The following ESR1 variants were observed in gnomAD, a reference collection of about 807,000 sequenced individuals.
The protein encoded by ESR1 is estrogen receptor 1.
In ESR1, 12 loss-of-function variants were observed where a neutral mutation model predicts 52.7. The ratio of observed to expected loss-of-function variants is 0.23; its 90% CI spans 0.15 to 0.37. The LOEUF (loss-of-function observed/expected upper bound fraction) is 0.37. Ranked by LOEUF, ESR1 falls within the 10% of genes least tolerant of loss-of-function variation. ESR1 has a pLI of 1.00. For missense variants in ESR1, 584 were observed against 779.7 expected (o/e 0.75, Z 2.99); for synonymous variants, 305 against 316.8 (o/e 0.96, Z 0.39).
chr6:151,926,236 A>G (rs2032716772), intron 3 of ESR1, among the ~76,000 whole-genome samples: 1 of 152,150 alleles, frequency 6.6e-6, no homozygotes, highest in Non-Finnish European at 1.5e-5. Context: ...TTATTACTGT[A>G]GCCTTTATGG....
At chr6:151,913,652 T>C (rs1798621185) in intron 3 of ESR1, among the ~76,000 whole-genome samples, 1 of 152,216 alleles carries the variant, frequency 6.6e-6, no homozygotes, top group Non-Finnish European at 1.5e-5. Context: ...AATGATCTTT[T>C]TTCCCATTTT....
At chr6:151,801,023 A>G (rs192148011), upstream of ESR1, among the ~76,000 whole-genome samples, 62 of 149,388 alleles carry the variant, frequency 4.2e-4, no homozygotes, top group African/African-American at 1.5e-3. Flanking sequence ...TGGCTCTGAA[A>G]TTGGGGATGG....
intron 2 of ESR1, among the ~76,000 whole-genome samples, chr6:151,742,029 AT>A (rs997978218): frequency 9.9e-5 from 15 of 151,926 alleles, no homozygotes; most frequent in African/African-American, 3.1e-4. Context: ...AGATGATGCA[AT>A]TTTTTTCTGA....
At chr6:151,888,152 T>C (rs1414889915) in intron 3 of ESR1, among the ~76,000 whole-genome samples, 2 of 152,130 alleles carry the variant, frequency 1.3e-5, no homozygotes, top group Admixed American at 6.5e-5. Flanking sequence ...TATTCAGGGT[T>C]TTTTTGTGGT....
chr6:151,998,277 C>T (rs2128735364), intron 4 of ESR1, among the ~76,000 whole-genome samples: 1 of 152,142 alleles, frequency 6.6e-6, no homozygotes, highest in African/African-American at 2.4e-5. Context: ...TGTAATTGTG[C>T]AATTTACACA....
chr6:151,895,669 A>T (rs1795384656), intron 3 of ESR1, among the ~76,000 whole-genome samples: 1 of 151,954 alleles, frequency 6.6e-6, no homozygotes, highest in African/African-American at 2.4e-5. Flanking sequence ...TTTGTTTTTA[A>T]TTTTGTTCAG....
chr6:152,035,995 A>G (rs924036486), intron 5 of ESR1, among the ~76,000 whole-genome samples: 2 of 152,242 alleles, frequency 1.3e-5, no homozygotes, highest in East Asian at 3.8e-4. Flanking sequence ...GTCGGGAATT[A>G]GGTCTTCAAC....
At chr6:151,878,912 G>C (rs1792309490) in intron 2 of ESR1, among the ~76,000 whole-genome samples, 1 of 152,134 alleles carries the variant, frequency 6.6e-6, no homozygotes, top group Non-Finnish European at 1.5e-5. Flanking sequence ...CTAAATCTTA[G>C]AGCAGAAACT....
intron 2 of ESR1, among the ~76,000 whole-genome samples, chr6:151,723,795 G>A (rs1035709390): frequency 2.6e-5 from 4 of 152,170 alleles, no homozygotes; most frequent in East Asian, 1.9e-4. Flanking sequence ...GCTTGAACCC[G>A]GGAGGCCGAG....
intron 1 of ESR1, among the ~76,000 whole-genome samples, chr6:151,700,435 C>G (rs1474357717): frequency 1.3e-5 from 2 of 152,076 alleles, no homozygotes; most frequent in East Asian, 3.8e-4. Flanking sequence ...ATGAAATATA[C>G]AAGTCCCCTA....
At chr6:151,696,222 A>G (rs964613408) in intron 1 of ESR1, among the ~76,000 whole-genome samples, 1 of 152,050 alleles carries the variant, frequency 6.6e-6, no homozygotes, top group African/African-American at 2.4e-5. Context: ...TGTAATCCCA[A>G]TATTTTGGGA....
intron 4 of ESR1, among the ~76,000 whole-genome samples, chr6:152,003,338 T>TTGTGTGTGTGTGTGTGTG (rs529797103): frequency 1.6e-5 from 2 of 128,632 alleles, no homozygotes; most frequent in South Asian, 5.0e-4. Flanking sequence ...AAAAGGGTAA[T>TTGTGTGTGTGTGTGTGTG]TATGTGTGTG....
intron 2 of ESR1, among the ~76,000 whole-genome samples, chr6:151,785,237 A>G (rs1182097197): frequency 3.9e-5 from 6 of 152,226 alleles, no homozygotes; most frequent in African/African-American, 1.4e-4. Flanking sequence ...AGGACAGTGA[A>G]AGATGAGCCT....
chr6:152,086,051 A>G (rs990787119), intron 6 of ESR1, among the ~76,000 whole-genome samples: 6 of 152,208 alleles, frequency 3.9e-5, no homozygotes, highest in African/African-American at 1.2e-4. Context: ...TTTTCTAGGA[A>G]AAAAGGAAAC....
chr6:151,936,006 A>AACCT (rs1329449461), intron 3 of ESR1: 1 of 152,038 alleles, frequency 6.6e-6, no homozygotes, highest in Non-Finnish European at 1.5e-5. Flanking sequence ...TTGCCTTGGG[A>AACCT]ACCTGCTCCT....
At chr6:151,790,277 C>T (rs1212071061) in intron 2 of ESR1, among the ~76,000 whole-genome samples, 2 of 152,216 alleles carry the variant, frequency 1.3e-5, no homozygotes, top group African/African-American at 4.8e-5. Context: ...CACAGCCCCA[C>T]GACGACACAG....
At chr6:151,809,153 C>T (rs73618149) in intron 1 of ESR1, 123 of 442,596 alleles carry the variant, frequency 2.8e-4, no homozygotes, top group African/African-American at 2.3e-3. Flanking sequence ...CTGTCCCACC[C>T]GGGGAGAATG....
chr6:151,987,106 T>C (rs1214194164), intron 4 of ESR1, among the ~76,000 whole-genome samples: 1 of 151,932 alleles, frequency 6.6e-6, no homozygotes, highest in African/African-American at 2.4e-5. Context: ...TTTCTCATCC[T>C]GCAGCCTGGG....
intron 1 of ESR1, among the ~76,000 whole-genome samples, chr6:151,693,492 CA>C (rs1562333936): frequency 6.6e-6 from 1 of 152,136 alleles, no homozygotes; most frequent in Admixed American, 6.5e-5. Context: ...AGAAGGGTAA[CA>C]AAAAAATCTT....
Sources: gnomAD v4.1 joint callset for allele counts (sites outside exome capture counted in the v4.1 genomes callset) on GRCh38, gnomAD v4.1.1 for gene constraint, MANE v1.5 for transcripts, NCBI Gene and HGNC (gene_info 2026-07-23, HGNC 2026-07-21) for gene names.